The following ARHGAP29 variants were observed in gnomAD, a reference collection of about 807,000 sequenced individuals.
The protein encoded by ARHGAP29 is rho GTPase-activating protein 29.
ARHGAP29 carries 43 observed loss-of-function variants against 122.6 expected under a neutral mutation model. That is an observed-to-expected ratio of 0.35 (90% CI 0.27 to 0.45). The LOEUF (loss-of-function observed/expected upper bound fraction) is 0.45. Ranked by LOEUF, ARHGAP29 falls within the 20% of genes least tolerant of loss-of-function variation. The pLI is 1.00. For missense variants in ARHGAP29, 1,303 were observed against 1,477.2 expected (o/e 0.88, Z 1.93); for synonymous variants, 506 against 497.1 (o/e 1.02, Z -0.24).
intron 1 of ARHGAP29, among the ~76,000 whole-genome samples, chr1:94,274,826 G>T (rs1367703931): frequency 2.6e-5 from 4 of 152,200 alleles, no homozygotes; most frequent in Admixed American, 6.5e-5. Flanking sequence ...TTGCTGTCCG[G>T]TCTCCATGGG....
At chr1:94,249,766 A>G (rs1654010796) in intron 1 of ARHGAP29, among the ~76,000 whole-genome samples, 1 of 151,950 alleles carries the variant, frequency 6.6e-6, no homozygotes, top group Non-Finnish European at 1.5e-5. Flanking sequence ...AAAAAAAAAG[A>G]AAGAAAATTA....
chr1:94,239,459 G>A (rs906152778), upstream of ARHGAP29, among the ~76,000 whole-genome samples: 4 of 152,054 alleles, frequency 2.6e-5, no homozygotes, highest in African/African-American at 9.7e-5. Context: ...ATGGATGGAG[G>A]TGGGGGTGTG....
chr1:94,298,594 G>A, the ARHGAP29 span, among the ~76,000 whole-genome samples: 1 of 152,142 alleles, frequency 6.6e-6, no homozygotes, highest in Non-Finnish European at 1.5e-5. Flanking sequence ...CAAGATAGGT[G>A]TGATCCTTAA....
In ARHGAP29 at chr1:94,188,818, G is replaced by T; in HGVS notation, c.1681+19C>A. On this transcript the variant is annotated intron_variant, in intron 15 of 22. Coordinates refer to ENST00000260526, the MANE Select transcript of ARHGAP29 (RefSeq NM_004815.4). The stretch of plus-strand genomic sequence containing the variant: ...ATCTTTCAATGAGTTTTCATTGCCA[G>T]ACTTAAATATAGATGTACCTGGACT... 1 of 1,586,990 alleles carries T rather than the reference G, an allele frequency of 6.3e-7. No homozygotes were observed. The highest frequency in any genetic ancestry group is 1.1e-5 in the South Asian group (1 of 87,810).
At chr1:94,240,376 G>A (rs556171411), upstream of ARHGAP29, among the ~76,000 whole-genome samples, 130 of 152,226 alleles carry the variant, frequency 8.5e-4, no homozygotes, top group African/African-American at 2.9e-3. Context: ...TTGCAAAAAT[G>A]GTAGTTTACT....
chr1:94,237,513 G>A lies in ARHGAP29; in HGVS notation c.-131C>T. ...GGAGCTCGCTGCCCCCATCCCCCAC[G>A]GCCTGCGGACGCCCGGCCAAATCTC... On this transcript the variant is annotated 5_prime_UTR_variant, in exon 1 of 23. Coordinates refer to ENST00000260526, the MANE Select transcript of ARHGAP29 (RefSeq NM_004815.4). 1 of 989,274 alleles carries A rather than the reference G, an allele frequency of 1.0e-6. No individual in the cohort carries two copies. The highest frequency in any genetic ancestry group is 1.2e-6 in the Non-Finnish European group (1 of 832,692). The allele number at this position is 989,274 out of a possible 1,614,324, so 61.3% of individuals were successfully genotyped here. A position where few individuals can be genotyped will look rare whatever the true frequency, so the allele number is the denominator to read the frequency against.
intron 3 of ARHGAP29, among the ~76,000 whole-genome samples, chr1:94,214,142 A>G (rs922695806): frequency 6.6e-6 from 1 of 152,204 alleles, no homozygotes; most frequent in African/African-American, 2.4e-5. Context: ...GTCTGGACAC[A>G]TTACCTAACT....
the ARHGAP29 span, among the ~76,000 whole-genome samples, chr1:94,289,135 T>C: frequency 6.6e-6 from 1 of 152,326 alleles, no homozygotes; most frequent in East Asian, 1.9e-4. Flanking sequence ...GGAATGTTCT[T>C]CCATTTGTTT....
In ARHGAP29 at chr1:94,231,585, T is replaced by G. The variant is rs1439979749; in HGVS notation, c.27A>C (p.Thr9=). Residue 9 remains threonine (T), a synonymous_variant, in exon 2 of 23, where the codon ACA becomes ACC. Coordinates refer to ENST00000260526, the MANE Select transcript of ARHGAP29 (RefSeq NM_004815.4). ...CTGATGCCCAAGCACGTTTTTTCTTTGTCTTTTTCTGTTTGTGAGCAATCA... is the reference window on the plus strand; with the variant it reads ...CTGATGCCCAAGCACGTTTTTTCTTGGTCTTTTTCTGTTTGTGAGCAATCA... MIAHKQKK[T]KKKRAWASGQ... 6.2e-7 allele frequency: 1 copy of G among 1,613,516 alleles called. No individual in the cohort carries two copies. The highest frequency in any genetic ancestry group is 1.7e-5 in the Admixed American group (1 of 59,970).
chr1:94,201,875 A>G lies in ARHGAP29; in HGVS notation c.1144-18T>C, dbSNP rs200743606. 3.5e-4 allele frequency: 495 copies of G among 1,398,066 alleles called. 3 individuals carry two copies. The African/African-American group carries it at 0.013, about 36-fold the overall frequency. The allele number at this position is 1,398,066 out of a possible 1,614,324, so 86.6% of individuals were successfully genotyped here. On this transcript the variant is annotated intron_variant, in intron 11 of 22. Coordinates refer to ENST00000260526, the MANE Select transcript of ARHGAP29 (RefSeq NM_004815.4). ...TCTTCTACCTTCACAAATATCACAG[A>G]AAAAAAAATAACACTAGAATTTATA...
chr1:94,215,048 C>T (rs529805233), intron 3 of ARHGAP29, among the ~76,000 whole-genome samples: 3 of 148,978 alleles, frequency 2.0e-5, no homozygotes, highest in Non-Finnish European at 4.4e-5. Context: ...TGAGTCAGAG[C>T]CCATAGTTCA....
At chr1:94,288,748 A>G in the ARHGAP29 span, among the ~76,000 whole-genome samples, 4 of 152,218 alleles carry the variant, frequency 2.6e-5, no homozygotes, top group Non-Finnish European at 4.4e-5. Flanking sequence ...CATTTGTTAA[A>G]TAGGGAATCC....
At chr1:94,253,321 A>G (rs1654180628) in intron 1 of ARHGAP29, among the ~76,000 whole-genome samples, 1 of 152,106 alleles carries the variant, frequency 6.6e-6, no homozygotes, top group African/African-American at 2.4e-5. Flanking sequence ...CCGGGCTTAC[A>G]GTTAGTCACT....
At chr1:94,289,158 A>T in the ARHGAP29 span, among the ~76,000 whole-genome samples, 3 of 152,008 alleles carry the variant, frequency 2.0e-5, no homozygotes, top group Non-Finnish European at 2.9e-5. Context: ...GTCCTCTTTC[A>T]TTTTGTTGAG....
At chr1:94,310,639 T>C in the ARHGAP29 span, among the ~76,000 whole-genome samples, 1 of 152,222 alleles carries the variant, frequency 6.6e-6, no homozygotes. Context: ...GAGCCTCCAA[T>C]TGATTAATCC....
At chr1:94,198,609 G>A (rs1650618980) in intron 12 of ARHGAP29, among the ~76,000 whole-genome samples, 1 of 152,070 alleles carries the variant, frequency 6.6e-6, no homozygotes, top group African/African-American at 2.4e-5. Flanking sequence ...TACGTATATA[G>A]GATTAAATCT....
chr1:94,196,979 TA>T (rs1184147749), intron 12 of ARHGAP29, among the ~76,000 whole-genome samples: 3 of 152,152 alleles, frequency 2.0e-5, no homozygotes, highest in Admixed American at 2.0e-4. Context: ...GAAACTTTTT[TA>T]AAAAGGCAAA....
chr1:94,199,402 AC>A (rs1650697259), intron 12 of ARHGAP29, among the ~76,000 whole-genome samples: 1 of 152,218 alleles, frequency 6.6e-6, no homozygotes, highest in Admixed American at 6.5e-5. Context: ...ATCTGCATTT[AC>A]CATGTTTTTT....
chr1:94,188,701 A>G (rs1649955155), intron 15 of ARHGAP29, 136 bp downstream of exon 15: 1 of 753,032 alleles, frequency 1.3e-6, no homozygotes, highest in African/African-American at 1.8e-5. Flanking sequence ...GGTTTTTAAA[A>G]ACTATTTTTT....
Sources: gnomAD v4.1 joint callset for allele counts (sites outside exome capture counted in the v4.1 genomes callset) on GRCh38, gnomAD v4.1.1 for gene constraint, MANE v1.5 for transcripts, NCBI Gene and HGNC (gene_info 2026-07-23, HGNC 2026-07-21) for gene names.